Variants in GRIA1 observed in about 807,000 individuals in gnomAD.
GRIA1 encodes the protein glutamate ionotropic receptor AMPA type subunit 1.
Under a neutral mutation model 99.2 loss-of-function variants are expected in GRIA1, and 31 were observed. The ratio of observed to expected loss-of-function variants is 0.31; its 90% CI spans 0.23 to 0.42. The LOEUF (loss-of-function observed/expected upper bound fraction) is 0.42. Ranked by LOEUF, GRIA1 falls within the 10% of genes least tolerant of loss-of-function variation. The probability of loss-of-function intolerance (pLI) is 1.00; values close to 1 mark genes in which losing one functional copy is unlikely to be tolerated. For synonymous variants in GRIA1, 438 were observed against 432.4 expected (o/e 1.01, Z -0.16); for missense variants, 782 against 1,157.5 (o/e 0.68, Z 4.71).
chr5:153,623,766 A>G (rs1463731862), intron 2 of GRIA1, among the ~76,000 whole-genome samples: 1 of 152,228 alleles, frequency 6.6e-6, no homozygotes, highest in African/African-American at 2.4e-5. Context: ...TTCAACATGC[A>G]TAATGGCTCA....
At chr5:153,638,404 C>T (rs1028949443) in intron 2 of GRIA1, among the ~76,000 whole-genome samples, 18 of 152,252 alleles carry the variant, frequency 1.2e-4, no homozygotes, top group African/African-American at 2.9e-4. Flanking sequence ...ATACTGCAAT[C>T]AGACATTTAG....
At chr5:153,493,144 A>G (rs1754082234) in intron 1 of GRIA1, among the ~76,000 whole-genome samples, 2 of 152,188 alleles carry the variant, frequency 1.3e-5, no homozygotes, top group Admixed American at 1.3e-4. Flanking sequence ...CCTTTACTAT[A>G]CCTTTTACTA....
At chr5:153,731,491 A>T (rs1377894815) in intron 11 of GRIA1, among the ~76,000 whole-genome samples, 1 of 151,974 alleles carries the variant, frequency 6.6e-6, no homozygotes, top group African/African-American at 2.4e-5. Flanking sequence ...TGTGTTTTTC[A>T]TGCATTTTTA....
At chr5:153,720,529 C>T (rs907751157) in intron 11 of GRIA1, among the ~76,000 whole-genome samples, 8 of 152,190 alleles carry the variant, frequency 5.3e-5, no homozygotes, top group Non-Finnish European at 1.0e-4. Context: ...AATGTTTGCT[C>T]AATGTAGTCA....
At chr5:153,649,531 C>T (rs552304635) in intron 3 of GRIA1, among the ~76,000 whole-genome samples, 1 of 152,330 alleles carries the variant, frequency 6.6e-6, no homozygotes, top group Non-Finnish European at 1.5e-5. Context: ...GATGTGGGCT[C>T]ACTGCAACCT....
chr5:153,765,056 T>A (rs756576167), intron 12 of GRIA1, among the ~76,000 whole-genome samples: 2 of 151,852 alleles, frequency 1.3e-5, no homozygotes, highest in South Asian at 2.1e-4. Flanking sequence ...GTTGACTTGA[T>A]GAATAAGAGG....
At chr5:153,753,699 GA>G (rs570394934) in intron 11 of GRIA1, among the ~76,000 whole-genome samples, 269 of 145,190 alleles carry the variant, frequency 1.9e-3, no homozygotes, top group Middle Eastern at 3.6e-3. Context: ...AATTCTGCAG[GA>G]AAAAAAAAAA....
At chr5:153,562,985 G>A (rs1045812430) in intron 2 of GRIA1, among the ~76,000 whole-genome samples, 5 of 151,936 alleles carry the variant, frequency 3.3e-5, no homozygotes, top group Non-Finnish European at 7.4e-5. Flanking sequence ...AGACCATCCC[G>A]GCCAACATGG....
In GRIA1 at chr5:153,811,415, T is replaced by C. The variant is rs567544810; in HGVS notation, c.*190T>C. 1 of 568,554 alleles carries C rather than the reference T, an allele frequency of 1.8e-6. No individual in the cohort carries two copies. Among genetic ancestry groups the C allele is most frequent in the African/African-American group, 1.9e-5 (1 of 53,210 alleles). The allele number at this position is 568,554 out of a possible 1,614,324, so 35.2% of individuals were successfully genotyped here. On this transcript the variant is annotated 3_prime_UTR_variant, in exon 16 of 16. Coordinates refer to ENST00000285900, the MANE Select transcript of GRIA1 (RefSeq NM_000827.4). ...TTTGCTGTCCCTTTTCCTTTTTTGATGTTCTTTCACCCTTTTCTGTTTGCT... is the reference window on the plus strand; with the variant it reads ...TTTGCTGTCCCTTTTCCTTTTTTGACGTTCTTTCACCCTTTTCTGTTTGCT...
At chr5:153,499,633 A>C (rs7446886) in intron 2 of GRIA1, among the ~76,000 whole-genome samples, 17,601 of 146,262 alleles carry the variant, frequency 0.12, 2,010 homozygotes, top group East Asian at 0.54. Context: ...AAAAAAAAAA[A>C]AAAAAAACTA....
At position 153,540,208 on chromosome 5, in the gene GRIA1, G is replaced by A. The variant is rs559266742; in HGVS notation, c.220+46143G>A. On this transcript the variant is annotated intron_variant, in intron 2 of 15. Transcript: ENST00000285900. Reference sequence around the variant, plus strand: ...ATCCTCCAGCAGGGCCAGCCAGATCGGGCAAGCATCTGCAGAAAGGCTTAG... The same window carrying A: ...ATCCTCCAGCAGGGCCAGCCAGATCAGGCAAGCATCTGCAGAAAGGCTTAG... Among the ~76,000 whole-genome samples, 16 of 152,292 alleles carry A rather than the reference G, an allele frequency of 1.1e-4. 2 individuals carry two copies. The highest frequency in any genetic ancestry group is 3.4e-3 in the Middle Eastern group (1 of 294).
chr5:153,754,870 T>C (rs1392254530), intron 11 of GRIA1, among the ~76,000 whole-genome samples: 1 of 152,164 alleles, frequency 6.6e-6, no homozygotes, highest in Non-Finnish European at 1.5e-5. Context: ...ATGGAGCTTA[T>C]GGTGTAAGGG....
chr5:153,607,043 A>ATG (rs1491496649), intron 2 of GRIA1, among the ~76,000 whole-genome samples: 1 of 16,882 alleles, frequency 5.9e-5, no homozygotes, highest in Non-Finnish European at 2.4e-4. Context: ...ATCACAAAAG[A>ATG]TATATATATA....
At chr5:153,576,719 T>C (rs977541553) in intron 2 of GRIA1, among the ~76,000 whole-genome samples, 22 of 152,376 alleles carry the variant, frequency 1.4e-4, no homozygotes, top group African/African-American at 5.0e-4. Flanking sequence ...CCCTTCCTTC[T>C]TGCTCTTCAC....
intron 2 of GRIA1, among the ~76,000 whole-genome samples, chr5:153,500,570 T>C (rs1251125339): frequency 8.2e-3 from 1,057 of 128,548 alleles, no homozygotes; most frequent in South Asian, 0.011. Flanking sequence ...CTGCCTCTCT[T>C]TCTCTCTCTC....
intron 2 of GRIA1, among the ~76,000 whole-genome samples, chr5:153,550,674 G>A (rs1313203474): frequency 6.6e-6 from 1 of 152,100 alleles, no homozygotes; most frequent in Non-Finnish European, 1.5e-5. Context: ...TCTGACCTTG[G>A]ACAAATAACT....
chr5:153,723,103 G>C (rs759831294), intron 11 of GRIA1, among the ~76,000 whole-genome samples: 15 of 152,276 alleles, frequency 9.9e-5, no homozygotes, highest in Non-Finnish European at 1.9e-4. Flanking sequence ...AGAAGAAATT[G>C]CATTTCAAAT....
chr5:153,754,435 G>A lies in GRIA1; in HGVS notation c.1824-9999G>A, dbSNP rs566375533. On this transcript the variant is annotated intron_variant, in intron 11 of 15. Transcript: ENST00000285900. ...AGTAGGCGGGGATGTAGGGACTATCGTTCAAGGTAGGCTGCTATAAACAAC... is the reference window on the plus strand; with the variant it reads ...AGTAGGCGGGGATGTAGGGACTATCATTCAAGGTAGGCTGCTATAAACAAC... Among the ~76,000 whole-genome samples, 7 of 152,138 alleles carry A rather than the reference G, an allele frequency of 4.6e-5. No individual in the cohort carries two copies. The East Asian group carries it at 7.7e-4, about 17-fold the overall frequency.
intron 5 of GRIA1, among the ~76,000 whole-genome samples, chr5:153,672,821 T>C (rs1756289211): frequency 6.6e-6 from 1 of 152,212 alleles, no homozygotes; most frequent in South Asian, 2.1e-4. Flanking sequence ...TTCATTGGAA[T>C]TTGGTGGTTT....
Sources: gnomAD v4.1 joint callset for allele counts (sites outside exome capture counted in the v4.1 genomes callset) on GRCh38, gnomAD v4.1.1 for gene constraint, MANE v1.5 for transcripts, NCBI Gene and HGNC (gene_info 2026-07-23, HGNC 2026-07-21) for gene names.